Variants in ADGRL3 observed in about 807,000 individuals in gnomAD.
The protein encoded by ADGRL3 is adhesion G protein-coupled receptor L3.
In ADGRL3, 62 loss-of-function variants were observed where a neutral mutation model predicts 153.5. That is an observed-to-expected ratio of 0.40 (90% CI 0.33 to 0.50). The LOEUF (loss-of-function observed/expected upper bound fraction) is 0.50, where lower values mean the gene tolerates loss of function less well. ADGRL3 is among the 20% of genes least tolerant of loss of function. The pLI is 0.47. For synonymous variants in ADGRL3, 710 were observed against 672.5 expected (o/e 1.06, Z -0.86); for missense variants, 1,641 against 1,859.4 (o/e 0.88, Z 2.16).
intron 4 of ADGRL3, among the ~76,000 whole-genome samples, chr4:61,539,331 C>T (rs975361258): frequency 2.0e-5 from 3 of 152,282 alleles, no homozygotes; most frequent in Non-Finnish European, 2.9e-5. Flanking sequence ...GAACAGGAGA[C>T]GGCCTTCTCT....
chr4:61,790,478 A>G (rs1259688839), intron 8 of ADGRL3, among the ~76,000 whole-genome samples: 1 of 152,216 alleles, frequency 6.6e-6, no homozygotes, highest in Admixed American at 6.5e-5. Context: ...TTTTTAAATT[A>G]GGAACAGTAA....
At chr4:61,243,373 A>C (rs2149348649) in intron 1 of ADGRL3, among the ~76,000 whole-genome samples, 1 of 152,138 alleles carries the variant, frequency 6.6e-6, no homozygotes, top group East Asian at 1.9e-4. Context: ...GGAACTGTGA[A>C]ATTTTACACT....
At chr4:61,339,073 T>C (rs989077394) in intron 1 of ADGRL3, among the ~76,000 whole-genome samples, 1 of 152,226 alleles carries the variant, frequency 6.6e-6, no homozygotes, top group South Asian at 2.1e-4. Flanking sequence ...TAATAGAGTA[T>C]TTAAGTGCTA....
At position 61,583,761 on chromosome 4, in the gene ADGRL3, A is replaced by G. The variant is rs139698701; in HGVS notation, c.260-3466A>G. 36 of 517,844 alleles carry G rather than the reference A, an allele frequency of 7.0e-5. 1 individual carries two copies. In the East Asian group the frequency reaches 1.9e-3, roughly 28 times the overall value. The allele number at this position is 517,844 out of a possible 1,614,324, so 32.1% of individuals were successfully genotyped here. On this transcript the variant is annotated intron_variant, in intron 4 of 26. Transcript: ENST00000683033. ...AGATTTCACATCTAAAACTTTTCCAATTTATTCAGCAGATATCTATTACAC... is the reference window on the plus strand; with the variant it reads ...AGATTTCACATCTAAAACTTTTCCAGTTTATTCAGCAGATATCTATTACAC...
chr4:61,841,531 G>C (rs1298560587), intron 9 of ADGRL3, among the ~76,000 whole-genome samples: 1 of 151,982 alleles, frequency 6.6e-6, no homozygotes, highest in Non-Finnish European at 1.5e-5. Context: ...GAAAATGGAA[G>C]GTGAGAAAAA....
intron 2 of ADGRL3, among the ~76,000 whole-genome samples, chr4:61,443,022 A>G (rs909856597): frequency 2.0e-5 from 3 of 152,184 alleles, no homozygotes; most frequent in African/African-American, 7.2e-5. Flanking sequence ...AACAGACTGT[A>G]TAGTAAACAG....
intron 6 of ADGRL3, among the ~76,000 whole-genome samples, chr4:61,687,034 G>T (rs1277045096): frequency 3.3e-5 from 5 of 151,836 alleles, no homozygotes; most frequent in Non-Finnish European, 5.9e-5. Flanking sequence ...ATTAGTAAAG[G>T]AATATATATG....
intron 25 of ADGRL3, among the ~76,000 whole-genome samples, chr4:62,061,071 A>G (rs192062846): frequency 6.6e-5 from 10 of 151,900 alleles, no homozygotes; most frequent in East Asian, 1.9e-4. Flanking sequence ...CATTTTTTCA[A>G]TGTTGAGGTT....
chr4:61,638,568 T>C lies in ADGRL3; in HGVS notation c.474-38258T>C, dbSNP rs1036198047. On this transcript the variant is annotated intron_variant, in intron 5 of 26. Coordinates refer to ENST00000683033, the MANE Select transcript of ADGRL3 (RefSeq NM_001387552.1). ...ACTTTTTAAATTATAGTACAGTTTATCTTTACTAACCACTGTACACCATGA... is the reference window on the plus strand; with the variant it reads ...ACTTTTTAAATTATAGTACAGTTTACCTTTACTAACCACTGTACACCATGA... 3.3e-5 allele frequency among the ~76,000 whole-genome samples: 5 copies of C among 152,344 alleles called. No homozygotes were observed. In the East Asian group the frequency reaches 9.6e-4, roughly 29 times the overall value.
At chr4:61,662,566 G>A (rs375759379) in intron 5 of ADGRL3, among the ~76,000 whole-genome samples, 26 of 152,320 alleles carry the variant, frequency 1.7e-4, no homozygotes, top group Non-Finnish European at 2.1e-4. Flanking sequence ...GTAGCTCAGC[G>A]TGGGCCTGCA....
chr4:61,368,924 G>C (rs546545818), intron 1 of ADGRL3, among the ~76,000 whole-genome samples: 22 of 152,100 alleles, frequency 1.4e-4, no homozygotes, highest in East Asian at 1.2e-3. Flanking sequence ...ATTTGTAGTT[G>C]TCCTTGAAGA....
At chr4:61,850,848 A>G (rs2098193585) in intron 9 of ADGRL3, among the ~76,000 whole-genome samples, 1 of 152,204 alleles carries the variant, frequency 6.6e-6, no homozygotes, top group Non-Finnish European at 1.5e-5. Flanking sequence ...AAAAGGGAAG[A>G]GAGAAAAAAT....
chr4:61,539,319 G>A (rs2098676326), intron 4 of ADGRL3, among the ~76,000 whole-genome samples: 1 of 152,186 alleles, frequency 6.6e-6, no homozygotes, highest in Non-Finnish European at 1.5e-5. Flanking sequence ...CAGTGGGTTG[G>A]GGAACAGGAG....
chr4:61,997,374 A>AT (rs145427244), intron 20 of ADGRL3, among the ~76,000 whole-genome samples: 2,794 of 149,654 alleles, frequency 0.019, 93 homozygotes, highest in African/African-American at 0.063. Flanking sequence ...CACTGAATGG[A>AT]TTTTTTTTTT....
At chr4:61,744,082 T>C (rs1457776725) in intron 8 of ADGRL3, among the ~76,000 whole-genome samples, 1 of 151,646 alleles carries the variant, frequency 6.6e-6, no homozygotes, top group Admixed American at 6.6e-5. Flanking sequence ...GCTCGGAGGG[T>C]CCTAGGCCCA....
At chr4:61,245,459 A>G (rs1230603505) in intron 1 of ADGRL3, among the ~76,000 whole-genome samples, 3 of 152,060 alleles carry the variant, frequency 2.0e-5, no homozygotes, top group African/African-American at 7.2e-5. Context: ...CCTCCTGTCC[A>G]TCGTCCTCAT....
At chr4:61,904,587 G>T (rs1049728215) in intron 11 of ADGRL3, among the ~76,000 whole-genome samples, 11 of 151,760 alleles carry the variant, frequency 7.2e-5, no homozygotes, top group Admixed American at 2.0e-4. Flanking sequence ...TTATATAAGA[G>T]AATTGCATAG....
chr4:61,672,804 C>T (rs1384034738), intron 5 of ADGRL3, among the ~76,000 whole-genome samples: 1 of 151,900 alleles, frequency 6.6e-6, no homozygotes, highest in African/African-American at 2.4e-5. Context: ...CCATATGTTC[C>T]AGTAGTCTTA....
chr4:61,956,598 T>C (rs1581626775), intron 17 of ADGRL3, among the ~76,000 whole-genome samples: 1 of 152,216 alleles, frequency 6.6e-6, no homozygotes, highest in East Asian at 1.9e-4. Flanking sequence ...GTTTTCATCA[T>C]GAAGTCTTTG....
Sources: allele counts gnomAD v4.1 joint callset (sites outside exome capture counted in the v4.1 genomes callset), GRCh38; gene constraint gnomAD v4.1.1; transcripts MANE v1.5; gene names NCBI Gene and HGNC (gene_info 2026-07-23, HGNC 2026-07-21).